DPP6: variants seen among roughly 807,000 people sequenced by gnomAD.
DPP6 encodes dipeptidyl peptidase like 6, also known as A-type potassium channel modulatory protein DPP6.
A neutral mutation model predicts 122.6 loss-of-function variants in DPP6; 69 were observed. The observed-to-expected ratio is 0.56, with a 90% CI of 0.46 to 0.69. DPP6 has a LOEUF of 0.69. Ranked by LOEUF, DPP6 falls within the 30% of genes least tolerant of loss-of-function variation. The probability of loss-of-function intolerance (pLI) is 0.00; values close to 1 mark genes in which losing one functional copy is unlikely to be tolerated. For synonymous variants in DPP6, 418 were observed against 433.1 expected (o/e 0.97, Z 0.43); for missense variants, 928 against 1,116.9 (o/e 0.83, Z 2.41).
the DPP6 span, among the ~76,000 whole-genome samples, chr7:153,775,438 A>G: frequency 2.0e-5 from 3 of 151,706 alleles, no homozygotes; most frequent in Non-Finnish European, 4.4e-5. Flanking sequence ...TACAGCTAAC[A>G]TAATTCTTAA....
intron 1 of DPP6, among the ~76,000 whole-genome samples, chr7:154,070,504 A>G (rs905080425): frequency 1.3e-5 from 2 of 152,190 alleles, no homozygotes; most frequent in Non-Finnish European, 2.9e-5. Flanking sequence ...TGACATGCTA[A>G]TAGGCAAAAG....
Position 154,422,675 on chromosome 7 carries a change from T to TGGATGGTGAGTGG in DPP6, c.244-23537_244-23536insATGGTGAGTGGGG. Among the ~76,000 whole-genome samples, 2 of 116,006 alleles carry TGGATGGTGAGTGG rather than the reference T, an allele frequency of 1.7e-5. 1 individual carries two copies. The highest frequency in any genetic ancestry group is 6.3e-4 in the South Asian group (2 of 3,156). 76.1% of individuals were successfully genotyped at this position (116,006 alleles called of 152,430 possible). A position where few individuals can be genotyped will look rare whatever the true frequency, so the allele number is the denominator to read the frequency against. On this transcript the variant is annotated intron_variant, in intron 1 of 25. Coordinates refer to ENST00000377770, the MANE Select transcript of DPP6 (RefSeq NM_130797.4). The stretch of plus-strand genomic sequence containing the variant: ...ATGGGTAGGTGGATGGGTGGGTGGA[T>TGGATGGTGAGTGG]GGGTGGATGGATGGATGGTGAGTGG...
intron 1 of DPP6, among the ~76,000 whole-genome samples, chr7:154,221,234 G>A (rs566490021): frequency 9.9e-5 from 15 of 152,160 alleles, no homozygotes; most frequent in African/African-American, 3.4e-4. Context: ...TCCACCCCCC[G>A]GGTTCAAGCA....
chr7:154,822,696 T>G (rs1197868252), intron 16 of DPP6, among the ~76,000 whole-genome samples: 2 of 151,806 alleles, frequency 1.3e-5, no homozygotes, highest in African/African-American at 2.4e-5. Context: ...CATCCACACC[T>G]CTGCTCACAG....
At chr7:154,881,055 T>C (rs908628917) in intron 21 of DPP6, 113 bp downstream of exon 21, 116 of 1,406,294 alleles carry the variant, frequency 8.2e-5, no homozygotes, top group Non-Finnish European at 1.0e-4. Context: ...GGTGAGCAAG[T>C]AATTTTTTAA....
At chr7:153,823,368 A>C in the DPP6 span, among the ~76,000 whole-genome samples, 3 of 149,216 alleles carry the variant, frequency 2.0e-5, no homozygotes, top group East Asian at 6.0e-4. Flanking sequence ...CACCTTCCAC[A>C]GGGGGCCTCT....
chr7:154,424,500 T>C (rs1817731765), intron 1 of DPP6, among the ~76,000 whole-genome samples: 1 of 152,194 alleles, frequency 6.6e-6, no homozygotes, highest in African/African-American at 2.4e-5. Context: ...GCTGCCTGTG[T>C]TTTTCTAATA....
chr7:154,305,678 G>A (rs986366667), intron 1 of DPP6: 11 of 1,391,766 alleles, frequency 7.9e-6, no homozygotes, highest in South Asian at 1.4e-5. Flanking sequence ...TTTGTATTTT[G>A]TATTGGTTTA....
At chr7:154,091,739 G>A (rs1246693041) in intron 1 of DPP6, among the ~76,000 whole-genome samples, 1 of 152,118 alleles carries the variant, frequency 6.6e-6, no homozygotes, top group African/African-American at 2.4e-5. Flanking sequence ...TCAGGAGATA[G>A]GGCGGTGTCA....
At chr7:154,596,397 G>A (rs1323468578) in intron 5 of DPP6, among the ~76,000 whole-genome samples, 7 of 152,228 alleles carry the variant, frequency 4.6e-5, no homozygotes, top group African/African-American at 1.4e-4. Flanking sequence ...TTCCGCTGAC[G>A]CGGGAACACG....
chr7:154,636,442 T>G (rs1835731058), intron 5 of DPP6, among the ~76,000 whole-genome samples: 1 of 152,222 alleles, frequency 6.6e-6, no homozygotes, highest in Non-Finnish European at 1.5e-5. Context: ...AAAAAGGAGT[T>G]AAGTTCCTGT....
the DPP6 span, among the ~76,000 whole-genome samples, chr7:153,755,170 C>T: frequency 6.6e-6 from 1 of 151,392 alleles, no homozygotes; most frequent in East Asian, 1.9e-4. Context: ...TTTTAATGAA[C>T]ACTTAAGTTG....
At chr7:154,575,796 CTG>C (rs1445953222) in intron 5 of DPP6, among the ~76,000 whole-genome samples, 4 of 144,490 alleles carry the variant, frequency 2.8e-5, no homozygotes, top group African/African-American at 1.0e-4. Flanking sequence ...GTGTGTGTAT[CTG>C]TGTGTTTGTG....
At chr7:154,796,331 T>C (rs1798049729) in intron 12 of DPP6, 1 of 158,504 alleles carries the variant, frequency 6.3e-6, no homozygotes, top group Non-Finnish European at 1.4e-5. Flanking sequence ...AGACCCGTCC[T>C]CAGGGACATA....
chr7:153,859,781 G>T, the DPP6 span, among the ~76,000 whole-genome samples: 1 of 152,164 alleles, frequency 6.6e-6, no homozygotes, highest in Non-Finnish European at 1.5e-5. Flanking sequence ...ATGGCAGAAG[G>T]CACCTCTTCA....
chr7:154,016,040 T>C (rs185546593), intron 1 of DPP6, among the ~76,000 whole-genome samples: 1 of 152,294 alleles, frequency 6.6e-6, no homozygotes, highest in East Asian at 1.9e-4. Flanking sequence ...ATTCCTCGAA[T>C]ATATCACATT....
rs150616603 is a variant in DPP6 at position 154,627,477 on chromosome 7, C to T, written c.628-10344C>T. 1.6e-3 allele frequency among the ~76,000 whole-genome samples: 236 copies of T among 152,126 alleles called. 1 individual carries two copies. Among genetic ancestry groups the T allele is most frequent in the African/African-American group, 4.7e-3 (197 of 41,506 alleles). On this transcript the variant is annotated intron_variant, in intron 5 of 25. Coordinates refer to ENST00000377770, the MANE Select transcript of DPP6 (RefSeq NM_130797.4). ...CCTCCCAAAGTGCTGGGATTACAGACGTGAGCCACCACGCCCGGCCTTTTT... is the reference window on the plus strand; with the variant it reads ...CCTCCCAAAGTGCTGGGATTACAGATGTGAGCCACCACGCCCGGCCTTTTT...
At chr7:154,030,300 A>G (rs1041184690) in intron 1 of DPP6, among the ~76,000 whole-genome samples, 6 of 152,322 alleles carry the variant, frequency 3.9e-5, no homozygotes, top group African/African-American at 1.4e-4. Flanking sequence ...TTTCACCTAA[A>G]TATCAGAAAT....
intron 5 of DPP6, among the ~76,000 whole-genome samples, chr7:154,575,335 G>GTA (rs1831516890): frequency 9.7e-6 from 1 of 102,844 alleles, no homozygotes. Flanking sequence ...TGTGTGTGTG[G>GTA]TGTGTGTATG....
Sources: gnomAD v4.1 joint callset for allele counts (sites outside exome capture counted in the v4.1 genomes callset) on GRCh38, gnomAD v4.1.1 for gene constraint, MANE v1.5 for transcripts, NCBI Gene and HGNC (gene_info 2026-07-23, HGNC 2026-07-21) for gene names.